The following KLF12 variants were observed in gnomAD, a reference collection of about 807,000 sequenced individuals.
KLF12 encodes the protein KLF transcription factor 12, also known as Krueppel-like factor 12.
Under a neutral mutation model 37.8 loss-of-function variants are expected in KLF12, and 9 were observed. The observed-to-expected ratio is 0.24, with a 90% CI of 0.14 to 0.42. KLF12 has a LOEUF of 0.42. Ranked by LOEUF, KLF12 falls within the 10% of genes least tolerant of loss-of-function variation. KLF12 has a pLI of 1.00. For synonymous variants in KLF12, 208 were observed against 202.1 expected, an observed-to-expected ratio of 1.03 and a Z score of -0.25; for missense variants, 411 against 516.0, an observed-to-expected ratio of 0.80 and a Z score of 1.97.
chr13:73,958,544 A>T (rs539702485), intron 2 of KLF12, among the ~76,000 whole-genome samples: 1 of 149,312 alleles, frequency 6.7e-6, no homozygotes, highest in Non-Finnish European at 1.5e-5. Flanking sequence ...TGCCCAGCCA[A>T]TTTTTTTTTT....
At chr13:73,970,179 A>G (rs1208159805) in intron 2 of KLF12, among the ~76,000 whole-genome samples, 1 of 152,172 alleles carries the variant, frequency 6.6e-6, no homozygotes, top group Non-Finnish European at 1.5e-5. Context: ...GTAGAATCTG[A>G]TAAGATGGAG....
chr13:73,969,123 G>A lies in KLF12; in HGVS notation c.34-25053C>T, dbSNP rs150264061. ...TAATCCAAGAGCATGCTGGGTGGGT[G>A]CTGCATCAGGAGGGAAGAATATCCA... On this transcript the variant is annotated intron_variant, in intron 2 of 7. Coordinates refer to ENST00000377669, the MANE Select transcript of KLF12 (RefSeq NM_007249.5). 5.3e-5 allele frequency among the ~76,000 whole-genome samples: 8 copies of A among 152,086 alleles called. No individual in the cohort carries two copies. The East Asian group carries it at 1.5e-3, about 29-fold the overall frequency.
At chr13:73,964,844 A>G (rs1352162369) in intron 2 of KLF12, among the ~76,000 whole-genome samples, 1 of 152,160 alleles carries the variant, frequency 6.6e-6, no homozygotes, top group Non-Finnish European at 1.5e-5. Flanking sequence ...CATGATCAGA[A>G]TAAATGGCAG....
At chr13:74,225,619 G>T in the KLF12 span, among the ~76,000 whole-genome samples, 1 of 152,106 alleles carries the variant, frequency 6.6e-6, no homozygotes, top group Non-Finnish European at 1.5e-5. Context: ...GAGATAAAAA[G>T]GTCAGTGAGA....
At chr13:74,237,738 C>T in the KLF12 span, among the ~76,000 whole-genome samples, 1 of 152,170 alleles carries the variant, frequency 6.6e-6, no homozygotes, top group Non-Finnish European at 1.5e-5. Flanking sequence ...ATTTGGCTCT[C>T]TGTTTGTCTG....
intron 1 of KLF12, among the ~76,000 whole-genome samples, chr13:74,029,531 T>C (rs1005719616): frequency 6.6e-6 from 1 of 152,154 alleles, no homozygotes; most frequent in African/African-American, 2.4e-5. Flanking sequence ...CTGGATCACA[T>C]AAATCTTTAC....
intron 4 of KLF12, among the ~76,000 whole-genome samples, chr13:73,826,556 G>C (rs551998861): frequency 6.6e-6 from 1 of 152,088 alleles, no homozygotes; most frequent in Admixed American, 6.5e-5. Flanking sequence ...ACATTTCGTG[G>C]TATTTCTTTT....
At chr13:74,231,297 A>G in the KLF12 span, among the ~76,000 whole-genome samples, 1 of 152,186 alleles carries the variant, frequency 6.6e-6, no homozygotes, top group Non-Finnish European at 1.5e-5. Flanking sequence ...CTAAGAGAAG[A>G]AAGAGGAGGG....
chr13:73,812,868 A>G (rs1451365048), intron 5 of KLF12: 6 of 272,024 alleles, frequency 2.2e-5, no homozygotes, highest in Non-Finnish European at 3.4e-5. Context: ...ATTCAAAAAT[A>G]ACAATTTTTT....
chr13:73,791,260 T>C (rs1881672364), intron 5 of KLF12, among the ~76,000 whole-genome samples: 1 of 152,364 alleles, frequency 6.6e-6, no homozygotes, highest in Non-Finnish European at 1.5e-5. Context: ...CCTATTCATA[T>C]GTAGTGAAAG....
chr13:73,765,079 A>C, intron 5 of KLF12, 79 bp from the exon 6 acceptor site: 1 of 830,138 alleles, frequency 1.2e-6, no homozygotes, highest in South Asian at 1.7e-5. Context: ...CATGTTTTAT[A>C]AATAATTTCT....
At chr13:74,293,315 A>C in the KLF12 span, among the ~76,000 whole-genome samples, 5 of 152,044 alleles carry the variant, frequency 3.3e-5, no homozygotes, top group African/African-American at 1.2e-4. Context: ...GAGGTCTACT[A>C]TTTTTTCCCC....
At chr13:74,300,629 T>C in the KLF12 span, among the ~76,000 whole-genome samples, 34 of 152,190 alleles carry the variant, frequency 2.2e-4, no homozygotes, top group African/African-American at 7.5e-4. Context: ...AAAGATGTCA[T>C]GCCCAGGGCT....
At chr13:74,263,843 A>G in the KLF12 span, among the ~76,000 whole-genome samples, 1 of 152,226 alleles carries the variant, frequency 6.6e-6, no homozygotes, top group Non-Finnish European at 1.5e-5. Context: ...TGACCATTTA[A>G]AAATCTTGTC....
At chr13:73,803,778 A>T (rs1485601673) in intron 5 of KLF12, among the ~76,000 whole-genome samples, 2,036 of 70,800 alleles carry the variant, frequency 0.029, 32 homozygotes, top group African/African-American at 0.11. Context: ...AGAGTCACAC[A>T]CACACACACA....
the KLF12 span, among the ~76,000 whole-genome samples, chr13:74,164,317 A>G: frequency 6.6e-6 from 1 of 152,212 alleles, no homozygotes; most frequent in African/African-American, 2.4e-5. Flanking sequence ...AATCAAAGTC[A>G]ATATGGAAAT....
Position 73,950,861 on chromosome 13 carries a change from T to C in KLF12, c.34-6791A>G, listed in dbSNP as rs142968624. Reference sequence around the variant, plus strand: ...AGGAAGCCAGAAACAAGATCCTTTCTGGGAGATGAGGCTAGCAGAAACTAA... The same window carrying C: ...AGGAAGCCAGAAACAAGATCCTTTCCGGGAGATGAGGCTAGCAGAAACTAA... On this transcript the variant is annotated intron_variant, in intron 2 of 7. Coordinates refer to ENST00000377669, the MANE Select transcript of KLF12 (RefSeq NM_007249.5). Among the ~76,000 whole-genome samples the C allele has an allele frequency of 5.3e-4, 80 of 152,290 alleles. No individual in the cohort carries two copies. In the East Asian group the frequency reaches 0.014, roughly 28 times the overall value.
intron 5 of KLF12, among the ~76,000 whole-genome samples, chr13:73,776,094 T>C (rs1880589479): frequency 6.6e-6 from 1 of 152,242 alleles, no homozygotes; most frequent in Non-Finnish European, 1.5e-5. Context: ...ACTTTCAATC[T>C]ATAAATTAAA....
chr13:74,188,020 A>G, the KLF12 span, among the ~76,000 whole-genome samples: 1 of 152,210 alleles, frequency 6.6e-6, no homozygotes, highest in Non-Finnish European at 1.5e-5. Context: ...TCTATATAAT[A>G]AAGACATTTG....
Sources: gnomAD v4.1 joint callset for allele counts (sites outside exome capture counted in the v4.1 genomes callset) on GRCh38, gnomAD v4.1.1 for gene constraint, MANE v1.5 for transcripts, NCBI Gene and HGNC (gene_info 2026-07-23, HGNC 2026-07-21) for gene names.